Variants in IFNLR1 observed in about 807,000 individuals in gnomAD.
IFNLR1 encodes interferon lambda receptor 1.
A neutral mutation model predicts 52.5 loss-of-function variants in IFNLR1; 28 were observed. The observed-to-expected ratio is 0.53, with a 90% CI of 0.40 to 0.73. IFNLR1 has a LOEUF of 0.73. IFNLR1 is among the 30% of genes least tolerant of loss of function. The pLI is 0.00. For synonymous variants in IFNLR1, 276 were observed against 274.9 expected (o/e 1.00, Z -0.04); for missense variants, 623 against 659.1 (o/e 0.95, Z 0.60).
chr1:24,172,660 G>A (rs1169199232), intron 2 of IFNLR1, among the ~76,000 whole-genome samples: 1 of 152,182 alleles, frequency 6.6e-6, no homozygotes, highest in Non-Finnish European at 1.5e-5. Context: ...ATGACCCTGG[G>A]TCAGGCGAAT....
chr1:24,179,738 T>G (rs1436956324), intron 2 of IFNLR1, among the ~76,000 whole-genome samples: 1 of 152,144 alleles, frequency 6.6e-6, no homozygotes, highest in East Asian at 1.9e-4. Flanking sequence ...AAGTGAAATA[T>G]TCACGTAGGG....
chr1:24,157,808 T>C lies in IFNLR1; in HGVS notation c.885A>G (p.Gln295=), dbSNP rs144531654. 1 of 1,614,076 alleles carries C rather than the reference T, an allele frequency of 6.2e-7. No individual in the cohort carries two copies. Among genetic ancestry groups the C allele is most frequent in the Non-Finnish European group, 8.5e-7 (1 of 1,179,994 alleles). ...ESVNDLFLCP[Q]KELTRGVRPT... ...GCCTGACCCCTCTGGTCAGTTCCTTTTGGGGACAGAGGAACAAGTCATTCA... is the reference window on the plus strand; with the variant it reads ...GCCTGACCCCTCTGGTCAGTTCCTTCTGGGGACAGAGGAACAAGTCATTCA... Residue 295 remains glutamine (Q), a synonymous_variant, in exon 7 of 7, where the codon CAA becomes CAG. Transcript: ENST00000327535. This position sits in a 1 kb window ranked among gnomAD's most constrained non-coding sequence, Gnocchi z 5.1.
chr1:24,171,706 G>C (rs1644581576), intron 2 of IFNLR1, among the ~76,000 whole-genome samples: 1 of 151,952 alleles, frequency 6.6e-6, no homozygotes, highest in Admixed American at 6.6e-5. Context: ...ATCCAGGCTG[G>C]AGTGCAGTGG....
chr1:24,181,756 G>A (rs1244242111), intron 1 of IFNLR1, among the ~76,000 whole-genome samples: 1 of 152,154 alleles, frequency 6.6e-6, no homozygotes, highest in Non-Finnish European at 1.5e-5. Context: ...ACACAGTCTG[G>A]CTCCCAGCGC....
At chr1:24,171,643 C>T (rs1447741588) in intron 2 of IFNLR1, among the ~76,000 whole-genome samples, 1 of 151,502 alleles carries the variant, frequency 6.6e-6, no homozygotes, top group Non-Finnish European at 1.5e-5. Context: ...CCTGCCACTA[C>T]ACCCAGCTAA....
chr1:24,162,938 C>CTTT (rs1553162263), intron 3 of IFNLR1, among the ~76,000 whole-genome samples: 1 of 80,638 alleles, frequency 1.2e-5, no homozygotes, highest in African/African-American at 5.2e-5. Context: ...TTCTTTCTTT[C>CTTT]TCTTTCTTTC....
chr1:24,157,523 C>T lies in IFNLR1; in HGVS notation c.1170G>A (p.Trp390Ter), dbSNP rs779756118. 2 of 1,611,400 alleles carry T rather than the reference C, an allele frequency of 1.2e-6. No individual in the cohort carries two copies. The highest frequency in any genetic ancestry group is 1.7e-6 in the Non-Finnish European group (2 of 1,178,702). The change falls in exon 7 of 7, where the codon TGG becomes TGA. Residue 390 changes from tryptophan (W) to a stop codon, truncating the protein, a stop_gained. Coordinates refer to ENST00000327535, the MANE Select transcript of IFNLR1 (RefSeq NM_170743.4). LOFTEE classifies it high-confidence loss of function. This position sits in a 1 kb window ranked among gnomAD's most constrained non-coding sequence, Gnocchi z 5.1. ...CCCAGGAGGAGTCCACAGTGCTGGC[C>T]CAGCTTCTGTCTGAAGAATCCCAAG... ...SSAWDSSDRS[W>*]ASTVDSSWDR...
At chr1:24,186,941 T>A (rs1164714207) in intron 1 of IFNLR1, among the ~76,000 whole-genome samples, 2 of 152,252 alleles carry the variant, frequency 1.3e-5, no homozygotes, top group Non-Finnish European at 2.9e-5. Context: ...CTGTCTTTTT[T>A]CTCCAGTTCT....
At chr1:24,161,719 G>A (rs770292506) in intron 3 of IFNLR1, 35 bp from the exon 4 acceptor site, 12 of 1,455,336 alleles carry the variant, frequency 8.2e-6, no homozygotes, top group South Asian at 4.4e-5. Context: ...CAGTAATCCC[G>A]AGGGGCCGCA....
At chr1:24,172,600 A>G (rs1644592060) in intron 2 of IFNLR1, among the ~76,000 whole-genome samples, 1 of 152,248 alleles carries the variant, frequency 6.6e-6, no homozygotes, top group South Asian at 2.1e-4. Flanking sequence ...AAAATATGTA[A>G]AAGCTAAAAT....
At chr1:24,179,956 C>T (rs139175151) in intron 2 of IFNLR1, among the ~76,000 whole-genome samples, 85 of 152,322 alleles carry the variant, frequency 5.6e-4, no homozygotes, top group African/African-American at 1.9e-3. Flanking sequence ...TCTGGATTCG[C>T]TGTGGCTGCC....
Position 24,157,945 on chromosome 1 carries a change from A to G in IFNLR1, c.802-54T>C. 6.8e-7 allele frequency: 1 copy of G among 1,467,734 alleles called. No homozygotes were observed. The highest frequency in any genetic ancestry group is 9.1e-7 in the Non-Finnish European group (1 of 1,097,142). The allele number at this position is 1,467,734 out of a possible 1,614,324, so 90.9% of individuals were successfully genotyped here. A position where few individuals can be genotyped will look rare whatever the true frequency, so the allele number is the denominator to read the frequency against. ...AAAATTTAGGCTTTCCTGAAGCATA[A>G]TTATCATCATCTGAATTCCCCTAGA... On this transcript the variant is annotated intron_variant, in intron 6 of 6. Coordinates refer to ENST00000327535, the MANE Select transcript of IFNLR1 (RefSeq NM_170743.4). The surrounding 1 kb of genome is among the most constrained non-coding windows in gnomAD (Gnocchi z 5.1).
At chr1:24,174,330 G>C (rs1370167163) in intron 2 of IFNLR1, among the ~76,000 whole-genome samples, 1 of 152,208 alleles carries the variant, frequency 6.6e-6, no homozygotes, top group East Asian at 1.9e-4. Context: ...TAGCAAACCA[G>C]TGCAGATTTG....
intron 2 of IFNLR1, among the ~76,000 whole-genome samples, chr1:24,174,946 G>A (rs1303618521): frequency 6.6e-6 from 1 of 152,164 alleles, no homozygotes; most frequent in Non-Finnish European, 1.5e-5. Context: ...AAAGAGATCA[G>A]AGGTGCAACT....
chr1:24,163,782 G>A (rs1450864414), intron 3 of IFNLR1, among the ~76,000 whole-genome samples: 2 of 151,846 alleles, frequency 1.3e-5, no homozygotes, highest in African/African-American at 4.8e-5. Flanking sequence ...TTTCTCCATG[G>A]TGGTCAGGCT....
intron 2 of IFNLR1, among the ~76,000 whole-genome samples, chr1:24,174,726 C>G (rs185225942): frequency 6.6e-6 from 1 of 152,106 alleles, no homozygotes; most frequent in East Asian, 1.9e-4. Context: ...GAAGAGATTT[C>G]TAAGCAAAGT....
At position 24,162,772 on chromosome 1, in the gene IFNLR1, C is replaced by T. The variant is rs865847436; in HGVS notation, c.368-1088G>A. Among the ~76,000 whole-genome samples the T allele has an allele frequency of 1.9e-3, 87 of 45,180 alleles. 2 individuals are homozygous for T. The highest frequency in any genetic ancestry group is 2.6e-3 in the South Asian group (3 of 1,144). The allele number at this position is 45,180 out of a possible 152,430, so 29.6% of individuals were successfully genotyped here. A position where few individuals can be genotyped will look rare whatever the true frequency, so the allele number is the denominator to read the frequency against. On this transcript the variant is annotated intron_variant, in intron 3 of 6. Coordinates refer to ENST00000327535, the MANE Select transcript of IFNLR1 (RefSeq NM_170743.4). ...TCTTTCTTTCTTTCTTTCTTTCTTT[C>T]TTTCTTTTTCTTTCTTTTTCTTTCT...
rs1644373842 is a variant in IFNLR1, at chr1:24,155,942, C to G, written c.*1188G>C. 6.6e-6 allele frequency: 1 copy of G among 152,202 alleles called. No individual in the cohort carries two copies. The highest frequency in any genetic ancestry group is 1.5e-5 in the Non-Finnish European group (1 of 68,048). 9.4% of individuals were successfully genotyped at this position (152,202 alleles called of 1,614,324 possible). On this transcript the variant is annotated 3_prime_UTR_variant, in exon 7 of 7. Transcript: ENST00000327535. ...ACCTGAATCTAGAAGGCATTGGTTT[C>G]TCATAACTGGAAGGGAGAATGGGAC... is the stretch of plus-strand genomic sequence containing the variant.
chr1:24,168,064 A>G (rs1460257722), intron 3 of IFNLR1, among the ~76,000 whole-genome samples: 1 of 151,924 alleles, frequency 6.6e-6, no homozygotes, highest in African/African-American at 2.4e-5. Context: ...TGACTAACAT[A>G]CTTCCTATCC....
Sources: gnomAD v4.1 joint callset for allele counts (sites outside exome capture counted in the v4.1 genomes callset) on GRCh38, gnomAD v4.1.1 for gene constraint, Gnocchi (gnomAD v3.1) non-coding constraint, MANE v1.5 for transcripts, NCBI Gene and HGNC (gene_info 2026-07-23, HGNC 2026-07-21) for gene names.